Variants in MCCC2 observed in about 807,000 individuals in gnomAD.
MCCC2 encodes methylcrotonyl-CoA carboxylase subunit 2.
MCCC2 carries 52 observed loss-of-function variants against 77.2 expected under a neutral mutation model. The observed-to-expected ratio is 0.67, with a 90% CI of 0.54 to 0.85. The LOEUF is 0.85. MCCC2 is among the 40% of genes least tolerant of loss of function. The pLI, the probability that MCCC2 is intolerant of heterozygous loss-of-function variation, is 0.00. For synonymous variants in MCCC2, 253 were observed against 248.4 expected (o/e 1.02, Z -0.18); for missense variants, 682 against 703.2 (o/e 0.97, Z 0.34).
intron 2 of MCCC2, among the ~76,000 whole-genome samples, chr5:71,593,994 C>T (rs552518947): frequency 5.3e-5 from 8 of 152,182 alleles, no homozygotes; most frequent in Admixed American, 6.5e-5. Flanking sequence ...GACTCGAAGT[C>T]GGGAGCTCAA....
chr5:71,646,610 C>T (rs955626707), intron 13 of MCCC2, among the ~76,000 whole-genome samples: 4 of 152,194 alleles, frequency 2.6e-5, no homozygotes, highest in Non-Finnish European at 5.9e-5. Context: ...AAGCAATCTG[C>T]CCGCCTTGTT....
chr5:71,639,415 C>T (rs1747045232), intron 10 of MCCC2, among the ~76,000 whole-genome samples: 1 of 151,504 alleles, frequency 6.6e-6, no homozygotes, highest in Non-Finnish European at 1.5e-5. Flanking sequence ...TTTTTTAAAC[C>T]TCATGAACCA....
chr5:71,617,055 A>G (rs1402703805), intron 6 of MCCC2, among the ~76,000 whole-genome samples: 2 of 152,146 alleles, frequency 1.3e-5, no homozygotes, highest in Non-Finnish European at 2.9e-5. Context: ...AACAAAGCTC[A>G]TACTTCTTAG....
chr5:71,616,444 G>T (rs986556637), intron 6 of MCCC2, among the ~76,000 whole-genome samples: 6 of 152,206 alleles, frequency 3.9e-5, no homozygotes, highest in African/African-American at 1.2e-4. Context: ...AACTGAATTG[G>T]ATTAGAGGAC....
chr5:71,608,567 T>C (rs1745786749), intron 6 of MCCC2, among the ~76,000 whole-genome samples: 1 of 151,716 alleles, frequency 6.6e-6, no homozygotes, highest in African/African-American at 2.4e-5. Context: ...GAGCATTTAG[T>C]CCATTTACAT....
At chr5:71,619,784 G>A (rs968958968) in intron 6 of MCCC2, among the ~76,000 whole-genome samples, 2 of 152,068 alleles carry the variant, frequency 1.3e-5, no homozygotes, top group African/African-American at 4.8e-5. Context: ...GAGGTCAGGA[G>A]ATCGAGACCA....
At chr5:71,608,758 G>A (rs1745794353) in intron 6 of MCCC2, among the ~76,000 whole-genome samples, 1 of 151,904 alleles carries the variant, frequency 6.6e-6, no homozygotes, top group Non-Finnish European at 1.5e-5. Flanking sequence ...TTTTAGGGCA[G>A]GCCTGGTGGT....
chr5:71,608,706 T>C (rs952599194), intron 6 of MCCC2, among the ~76,000 whole-genome samples: 101 of 152,354 alleles, frequency 6.6e-4, no homozygotes, highest in African/African-American at 2.3e-3. Flanking sequence ...ATTTTTGCAG[T>C]GGCTGGTACC....
intron 6 of MCCC2, among the ~76,000 whole-genome samples, chr5:71,610,101 C>G (rs1256504394): frequency 6.6e-6 from 1 of 152,264 alleles, no homozygotes; most frequent in Non-Finnish European, 1.5e-5. Flanking sequence ...CCACCCAGTT[C>G]GAGCTTCCTG....
intron 5 of MCCC2, chr5:71,603,111 CA>C (rs1487824404): frequency 1.8e-5 from 3 of 170,750 alleles, no homozygotes; most frequent in African/African-American, 7.2e-5. Context: ...GAAAGCAAAG[CA>C]GTTTAAAATG....
Position 71,656,831 on chromosome 5 carries a change from A to G in MCCC2, c.1663A>G (p.Lys555Glu), listed in dbSNP as rs1257849672. The G allele has an allele frequency of 1.8e-5, 29 of 1,613,938 alleles. No homozygotes were observed. Among genetic ancestry groups the G allele is most frequent in the Non-Finnish European group, 2.1e-5 (25 of 1,179,926 alleles). Residue 555 changes from lysine to glutamate, a missense_variant, in exon 17 of 17, where the codon AAG becomes GAG. Physicochemically the swap from Lys to Glu is moderately conservative, Grantham distance 56. Coordinates refer to ENST00000340941, the MANE Select transcript of MCCC2 (RefSeq NM_022132.5). ...FSAALNAPIE[K>E]TDFGIFRM is the part of the protein sequence containing the mutation. Reference sequence around the variant, plus strand: ...TGCAGCCCTCAACGCACCAATAGAGAAGACTGACTTCGGTATCTTCAGGAT... The same window carrying G: ...TGCAGCCCTCAACGCACCAATAGAGGAGACTGACTTCGGTATCTTCAGGAT...
chr5:71,624,562 A>C (rs962180060), intron 6 of MCCC2, among the ~76,000 whole-genome samples: 1 of 151,766 alleles, frequency 6.6e-6, no homozygotes, highest in Non-Finnish European at 1.5e-5. Context: ...TTTTTAGTAG[A>C]GACGGGGTTT....
At chr5:71,625,017 T>A (rs1746492093) in intron 6 of MCCC2, among the ~76,000 whole-genome samples, 1 of 151,334 alleles carries the variant, frequency 6.6e-6, no homozygotes, top group African/African-American at 2.4e-5. Flanking sequence ...TTCAACACAA[T>A]AATTCCTCTT....
At chr5:71,648,155 G>GCA (rs1306279039) in intron 13 of MCCC2, among the ~76,000 whole-genome samples, 1 of 152,202 alleles carries the variant, frequency 6.6e-6, no homozygotes, top group African/African-American at 2.4e-5. Context: ...CACGTGCTCT[G>GCA]GAGGAACTGG....
intron 11 of MCCC2, chr5:71,641,466 T>G (rs1390519942): frequency 3.8e-6 from 1 of 266,174 alleles, no homozygotes. Context: ...CGAGGAAGTT[T>G]TATATTGTGT....
At chr5:71,611,553 T>C (rs1257819424) in intron 6 of MCCC2, among the ~76,000 whole-genome samples, 1 of 152,208 alleles carries the variant, frequency 6.6e-6, no homozygotes, top group Non-Finnish European at 1.5e-5. Context: ...AATATAAGTC[T>C]CAAAAAGTAG....
intron 6 of MCCC2, among the ~76,000 whole-genome samples, chr5:71,616,780 C>G (rs1746168373): frequency 6.6e-6 from 1 of 152,136 alleles, no homozygotes; most frequent in African/African-American, 2.4e-5. Flanking sequence ...CTGGCAGTTG[C>G]TCTGATGCCG....
intron 6 of MCCC2, among the ~76,000 whole-genome samples, chr5:71,607,771 T>C (rs1580288809): frequency 1.3e-5 from 2 of 150,546 alleles, no homozygotes; most frequent in South Asian, 4.3e-4. Context: ...TTCTGGTATG[T>C]TGTGTCTTTG....
At chr5:71,609,253 G>A (rs2112350329) in intron 6 of MCCC2, among the ~76,000 whole-genome samples, 2 of 149,690 alleles carry the variant, frequency 1.3e-5, no homozygotes, top group Non-Finnish European at 3.0e-5. Flanking sequence ...ATTTCTTGGA[G>A]GCTTTGCTCA....
Sources: gnomAD v4.1 joint callset for allele counts (sites outside exome capture counted in the v4.1 genomes callset) on GRCh38, gnomAD v4.1.1 for gene constraint, MANE v1.5 for transcripts, NCBI Gene and HGNC (gene_info 2026-07-23, HGNC 2026-07-21) for gene names.